Variants in TTC27 observed in about 807,000 individuals in gnomAD.
The protein encoded by TTC27 is tetratricopeptide repeat domain 27, also known as tetratricopeptide repeat protein 27.
A neutral mutation model predicts 115.9 loss-of-function variants in TTC27; 79 were observed. The ratio of observed to expected loss-of-function variants is 0.68; its 90% CI spans 0.57 to 0.82. The LOEUF (loss-of-function observed/expected upper bound fraction) is 0.82. Ranked by LOEUF, TTC27 falls within the 40% of genes least tolerant of loss-of-function variation. The pLI is 0.00. For missense variants in TTC27, 1,054 were observed against 993.1 expected (o/e 1.06, Z -0.82); for synonymous variants, 401 against 356.0 (o/e 1.13, Z -1.42).
chr2:32,733,842 A>G lies in TTC27; in HGVS notation c.1248A>G (p.Gln416=), dbSNP rs768494454. 15 of 1,610,894 alleles carry G rather than the reference A, an allele frequency of 9.3e-6. No individual in the cohort carries two copies. Among genetic ancestry groups the G allele is most frequent in the Non-Finnish European group, 1.1e-5 (13 of 1,178,484 alleles). ...AMRQTQALAD[Q]FEDKTTSVLE... ...TGTCCTTTAAGGCTCTTGCAGACCA[A>G]TTTGAAGATAAAACTACATCTGTAT... Residue 416 remains glutamine (Q), a synonymous_variant, in exon 11 of 20, where the codon CAA becomes CAG. Transcript: ENST00000317907.
chr2:32,710,983 G>C (rs1667556064), intron 10 of TTC27, among the ~76,000 whole-genome samples: 1 of 151,554 alleles, frequency 6.6e-6, no homozygotes, highest in Non-Finnish European at 1.5e-5. Context: ...TAGGCATGGT[G>C]GTGGGTGCCT....
intron 14 of TTC27, 39 bp from the exon 15 acceptor site, chr2:32,782,587 A>G: frequency 3.1e-6 from 5 of 1,591,412 alleles, no homozygotes; most frequent in Non-Finnish European, 4.3e-6. Context: ...TTTTACCTAA[A>G]TGAGAAGAGT....
At chr2:32,724,596 A>C (rs1326346742) in intron 10 of TTC27, among the ~76,000 whole-genome samples, 2 of 152,204 alleles carry the variant, frequency 1.3e-5, no homozygotes, top group Non-Finnish European at 2.9e-5. Flanking sequence ...TCTATGTGAT[A>C]AAATGGAAAG....
At chr2:32,748,015 C>G (rs1334770552) in intron 12 of TTC27, among the ~76,000 whole-genome samples, 5 of 151,682 alleles carry the variant, frequency 3.3e-5, no homozygotes, top group Non-Finnish European at 5.9e-5. Flanking sequence ...GTATAGTTTG[C>G]TGTTCTTTTT....
intron 2 of TTC27, among the ~76,000 whole-genome samples, chr2:32,631,416 A>G (rs1248856293): frequency 6.6e-6 from 1 of 152,226 alleles, no homozygotes; most frequent in East Asian, 1.9e-4. Flanking sequence ...TAGAGCTCAG[A>G]GAACTTAATG....
intron 12 of TTC27, among the ~76,000 whole-genome samples, chr2:32,751,301 CAT>C (rs1491038324): frequency 1.6e-4 from 23 of 145,132 alleles, no homozygotes; most frequent in South Asian, 4.5e-4. Flanking sequence ...CACACACACA[CAT>C]GCACACACAT....
At position 32,746,948 on chromosome 2, in the gene TTC27, ATTAAC is replaced by A. The variant is rs758027778; in HGVS notation, c.1452+10136_1452+10140del. On this transcript the variant is annotated intron_variant, in intron 12 of 19. Transcript: ENST00000317907. ...AGGTATAAGATCTCAGGGAGAAAGA[ATTAAC>A]TTATCTAACACAAAAATGTGGGATA... Among the ~76,000 whole-genome samples the A allele has an allele frequency of 2.4e-4, 37 of 152,326 alleles. 1 individual carries two copies. The East Asian group carries it at 4.6e-3, about 19-fold the overall frequency.
chr2:32,743,253 T>C (rs1340990995), intron 12 of TTC27, among the ~76,000 whole-genome samples: 2 of 152,142 alleles, frequency 1.3e-5, no homozygotes, highest in Non-Finnish European at 2.9e-5. Context: ...TTCCGCTAAT[T>C]CACAAAGTTA....
At chr2:32,816,125 T>C (rs1487694835) in intron 18 of TTC27, among the ~76,000 whole-genome samples, 1 of 151,934 alleles carries the variant, frequency 6.6e-6, no homozygotes, top group East Asian at 1.9e-4. Flanking sequence ...CTGAGCAACA[T>C]AGTGAGACCC....
intron 4 of TTC27, among the ~76,000 whole-genome samples, chr2:32,648,457 T>A (rs1387094639): frequency 4.0e-4 from 33 of 81,572 alleles, no homozygotes; most frequent in South Asian, 8.3e-4. Context: ...TTTTTTTTTT[T>A]AAAACAGACT....
At chr2:32,744,055 A>G (rs975198707) in intron 12 of TTC27, among the ~76,000 whole-genome samples, 5 of 152,236 alleles carry the variant, frequency 3.3e-5, no homozygotes, top group African/African-American at 4.8e-5. Flanking sequence ...CTAATAGACA[A>G]ACTTACTACA....
chr2:32,678,679 G>T (rs541735631), intron 8 of TTC27, among the ~76,000 whole-genome samples, 177 bp from the exon 9 acceptor site: 1 of 151,964 alleles, frequency 6.6e-6, no homozygotes, highest in South Asian at 2.1e-4. Flanking sequence ...TGCCCGCCTC[G>T]GCCTCCCAAA....
intron 16 of TTC27, among the ~76,000 whole-genome samples, chr2:32,796,921 C>G (rs1305641990): frequency 1.3e-5 from 2 of 151,446 alleles, no homozygotes; most frequent in South Asian, 4.2e-4. Context: ...GCCTGTAATC[C>G]CAGCACTTTG....
intron 7 of TTC27, among the ~76,000 whole-genome samples, chr2:32,669,316 A>G (rs1409150408): frequency 6.6e-6 from 1 of 152,184 alleles, no homozygotes; most frequent in Non-Finnish European, 1.5e-5. Flanking sequence ...TGTATGTGAA[A>G]TAAAATACAT....
At chr2:32,682,847 G>GTTTTTTT (rs70938360) in intron 9 of TTC27, among the ~76,000 whole-genome samples, 4 of 49,778 alleles carry the variant, frequency 8.0e-5, no homozygotes, top group East Asian at 7.0e-4. Context: ...TTTTATTGTT[G>GTTTTTTT]TTTTTTTTTT....
At position 32,820,838 on chromosome 2, in the gene TTC27, C is replaced by G. The variant is rs776847456; in HGVS notation, c.2432C>G (p.Thr811Ser). Residue 811 changes from threonine to serine, a missense_variant, in exon 20 of 20, where the codon ACT (threonine) becomes AGT (serine). Physicochemically the swap from Thr to Ser is moderately conservative, Grantham distance 58. Coordinates refer to ENST00000317907, the MANE Select transcript of TTC27 (RefSeq NM_017735.5). ...KAKQLFTDVA[T>S]GEMSRELADD... ...CAGCAACTTTTTACAGATGTGGCAA[C>G]TGGAGAAATGTCCAGGGAATTAGCT... 8.5e-6 allele frequency: 13 copies of G among 1,536,996 alleles called. No individual in the cohort carries two copies. The South Asian group carries it at 1.2e-4, about 15-fold the overall frequency.
At chr2:32,689,317 T>C (rs968865463) in intron 9 of TTC27, among the ~76,000 whole-genome samples, 3 of 152,156 alleles carry the variant, frequency 2.0e-5, no homozygotes, top group Admixed American at 2.0e-4. Flanking sequence ...ATCTGTCATA[T>C]ACTTCACTAA....
intron 8 of TTC27, among the ~76,000 whole-genome samples, chr2:32,673,020 C>T (rs1192194601): frequency 6.6e-6 from 1 of 152,152 alleles, no homozygotes; most frequent in Non-Finnish European, 1.5e-5. Flanking sequence ...CAGATACTCT[C>T]TTTTAGAAAA....
intron 7 of TTC27, among the ~76,000 whole-genome samples, chr2:32,668,423 A>T (rs936684731): frequency 1.3e-5 from 2 of 151,534 alleles, no homozygotes; most frequent in African/African-American, 2.4e-5. Context: ...GATAAATAGG[A>T]TATGATGAGT....
Sources: allele counts gnomAD v4.1 joint callset (sites outside exome capture counted in the v4.1 genomes callset), GRCh38; gene constraint gnomAD v4.1.1; transcripts MANE v1.5; gene names NCBI Gene and HGNC (gene_info 2026-07-23, HGNC 2026-07-21).